The following LINGO2 variants were observed in gnomAD, a reference collection of about 807,000 sequenced individuals.
The protein encoded by LINGO2 is leucine rich repeat and Ig domain containing 2, also known as leucine-rich repeat and immunoglobulin-like domain-containing nogo receptor-interacting protein 2.
In LINGO2, 14 loss-of-function variants were observed where a neutral mutation model predicts 30.6. That is an observed-to-expected ratio of 0.46 (90% CI 0.30 to 0.72). The LOEUF is 0.72. Ranked by LOEUF, LINGO2 falls within the 30% of genes least tolerant of loss-of-function variation. LINGO2 has a pLI of 0.07. For missense variants in LINGO2, 729 were observed against 751.7 expected, an observed-to-expected ratio of 0.97 and a Z score of 0.35; for synonymous variants, 317 against 288.5, an observed-to-expected ratio of 1.10 and a Z score of -1.00.
chr9:28,540,804 T>G (rs932503983), intron 1 of LINGO2, among the ~76,000 whole-genome samples: 1 of 152,202 alleles, frequency 6.6e-6, no homozygotes, highest in Non-Finnish European at 1.5e-5. Flanking sequence ...TCACAAAGTA[T>G]TCTAGTTTAT....
chr9:27,940,568 G>A, the LINGO2 span: 5 of 152,160 alleles, frequency 3.3e-5, no homozygotes, highest in Non-Finnish European at 5.9e-5. Context: ...AAAGAATATA[G>A]GGTTGTACAA....
At chr9:28,040,428 T>G (rs1474259523) in intron 4 of LINGO2, among the ~76,000 whole-genome samples, 2 of 150,672 alleles carry the variant, frequency 1.3e-5, no homozygotes, top group Non-Finnish European at 3.0e-5. Context: ...CTTGAAGTTT[T>G]TTTTTTTTTT....
At chr9:28,544,333 C>T (rs1338929307) in intron 1 of LINGO2, among the ~76,000 whole-genome samples, 2 of 152,076 alleles carry the variant, frequency 1.3e-5, no homozygotes, top group Non-Finnish European at 2.9e-5. Flanking sequence ...AAATTAAAAA[C>T]TACTGTATCT....
In LINGO2 at chr9:28,040,602, G is replaced by A. The variant is rs10491828; in HGVS notation, c.-86-28197C>T. Among the ~76,000 whole-genome samples the A allele has an allele frequency of 8.6e-5, 13 of 151,980 alleles. No individual in the cohort carries two copies. The East Asian group carries it at 1.2e-3, about 14-fold the overall frequency. ...TCCATTGTTCCAATACTAACTGAGC[G>A]CTATCAACTTCAAATACTGCTGCTG... On this transcript the variant is annotated intron_variant, in intron 4 of 5. Coordinates refer to ENST00000379992, the Ensembl canonical transcript of LINGO2.
intron 1 of LINGO2, among the ~76,000 whole-genome samples, chr9:28,545,349 C>A (rs2135478634): frequency 6.6e-6 from 1 of 152,138 alleles, no homozygotes; most frequent in East Asian, 1.9e-4. Context: ...TTGTGAATTT[C>A]TACCTAAAGA....
At chr9:29,081,737 G>C in the LINGO2 span, among the ~76,000 whole-genome samples, 3 of 152,028 alleles carry the variant, frequency 2.0e-5, no homozygotes, top group Admixed American at 6.6e-5. Flanking sequence ...AACAAAGTCT[G>C]AGGATACAAA....
In LINGO2 at chr9:28,315,992, T is replaced by C. The variant is rs143957202; in HGVS notation, c.-245-20626A>G. ...TGCCAATTATCACTTACCTATGTGA[T>C]TGTTGGCCAAGTCTCTAAACCTTTC... On this transcript the variant is annotated intron_variant, in intron 3 of 5. Transcript: ENST00000379992. Among the ~76,000 whole-genome samples, 49 of 152,288 alleles carry C rather than the reference T, an allele frequency of 3.2e-4. No individual in the cohort carries two copies. The East Asian group carries it at 9.3e-3, about 29-fold the overall frequency.
chr9:28,303,552 T>TAGCA (rs1228332267), intron 3 of LINGO2, among the ~76,000 whole-genome samples: 1 of 152,152 alleles, frequency 6.6e-6, no homozygotes, highest in Non-Finnish European at 1.5e-5. Flanking sequence ...ACTTAACTAC[T>TAGCA]AGCAGTCTAC....
intron 1 of LINGO2, among the ~76,000 whole-genome samples, chr9:28,573,244 A>T (rs1823793635): frequency 1.3e-5 from 2 of 152,204 alleles, no homozygotes; most frequent in Admixed American, 1.3e-4. Flanking sequence ...TAATACACTT[A>T]TCCGGTTCAG....
At position 28,329,670 on chromosome 9, in the gene LINGO2, T is replaced by G. The variant is rs1284438200; in HGVS notation, c.-245-34304A>C. Reference sequence around the variant, plus strand: ...CCTTCCCACTCTCCCCTTCTTTCACTCATTTACCACTGCAACTGCTACCTC... The same window carrying G: ...CCTTCCCACTCTCCCCTTCTTTCACGCATTTACCACTGCAACTGCTACCTC... On this transcript the variant is annotated intron_variant, in intron 3 of 5. Transcript: ENST00000379992. This position sits in a 1 kb window ranked among gnomAD's most constrained non-coding sequence, Gnocchi z 4.5. Among the ~76,000 whole-genome samples, 1 of 152,122 alleles carries G rather than the reference T, an allele frequency of 6.6e-6. No homozygotes were observed. Among genetic ancestry groups the G allele is most frequent in the Non-Finnish European group, 1.5e-5 (1 of 68,020 alleles).
chr9:28,070,261 T>C (rs72724966), intron 4 of LINGO2, among the ~76,000 whole-genome samples: 9,409 of 152,242 alleles, frequency 0.062, 287 homozygotes, highest in South Asian at 0.11. Context: ...CAAGTCATCA[T>C]GAAGACAGTT....
chr9:28,182,402 G>A (rs1819380041), intron 4 of LINGO2, among the ~76,000 whole-genome samples: 1 of 152,126 alleles, frequency 6.6e-6, no homozygotes, highest in Non-Finnish European at 1.5e-5. Flanking sequence ...ACATAGGCAT[G>A]GGCAAACACT....
chr9:28,221,205 CAGG>C (rs1820950070), intron 4 of LINGO2, among the ~76,000 whole-genome samples: 1 of 146,624 alleles, frequency 6.8e-6, no homozygotes, highest in Admixed American at 7.1e-5. Flanking sequence ...GAGGCTGAGG[CAGG>C]AGAATGGCGT....
chr9:28,842,559 C>G, the LINGO2 span, among the ~76,000 whole-genome samples: 338 of 151,904 alleles, frequency 2.2e-3, 13 homozygotes, highest in African/African-American at 8.0e-3. Context: ...GGTGGATGCT[C>G]TAAAGTCCCC....
the LINGO2 span, among the ~76,000 whole-genome samples, chr9:28,872,787 G>C: frequency 6.6e-6 from 1 of 152,066 alleles, no homozygotes. Flanking sequence ...TACTAGAGAG[G>C]TGCACTTTGT....
chr9:28,050,858 GATTTTAT>G (rs1302436198), intron 4 of LINGO2, among the ~76,000 whole-genome samples: 1 of 150,936 alleles, frequency 6.6e-6, no homozygotes, highest in Non-Finnish European at 1.5e-5. Context: ...TCAATTTGGT[GATTTTAT>G]ATAAGTTGAA....
intron 4 of LINGO2, among the ~76,000 whole-genome samples, chr9:28,272,103 C>T (rs1443573859): frequency 6.6e-6 from 1 of 152,142 alleles, no homozygotes; most frequent in Non-Finnish European, 1.5e-5. Flanking sequence ...ATTTTCATGG[C>T]TGCAGCCTTA....
the LINGO2 span, among the ~76,000 whole-genome samples, chr9:29,126,979 G>A: frequency 0.24 from 36,524 of 151,904 alleles, 4,524 homozygotes; most frequent in East Asian, 0.4. Context: ...CCCAGAACCA[G>A]TCAGACTGGT....
chr9:28,860,126 T>C, the LINGO2 span, among the ~76,000 whole-genome samples: 2 of 152,030 alleles, frequency 1.3e-5, no homozygotes, highest in Non-Finnish European at 2.9e-5. Context: ...ATTAAGAAAA[T>C]CTTACAAAGA....
Sources: gnomAD v4.1 joint callset for allele counts (sites outside exome capture counted in the v4.1 genomes callset) on GRCh38, gnomAD v4.1.1 for gene constraint, Gnocchi (gnomAD v3.1) non-coding constraint, MANE v1.5 for transcripts, NCBI Gene and HGNC (gene_info 2026-07-23, HGNC 2026-07-21) for gene names.